COL21A1: variants seen among roughly 807,000 people sequenced by gnomAD.
COL21A1 encodes collagen alpha-1(XXI) chain.
A neutral mutation model predicts 137.9 loss-of-function variants in COL21A1; 149 were observed. The ratio of observed to expected loss-of-function variants is 1.08; its 90% CI spans 0.95 to 1.24. The LOEUF is 1.24. COL21A1 is among the 50% of genes most tolerant of loss of function. The pLI, the probability that COL21A1 is intolerant of heterozygous loss-of-function variation, is 0.00. For synonymous variants in COL21A1, 456 were observed against 391.5 expected (o/e 1.16, Z -1.95); for missense variants, 1,167 against 1,158.4 (o/e 1.01, Z -0.11).
chr6:56,362,899 A>AC (rs1282093481), intron 1 of COL21A1, among the ~76,000 whole-genome samples: 1 of 151,288 alleles, frequency 6.6e-6, no homozygotes, highest in Non-Finnish European at 1.5e-5. Flanking sequence ...AGCAAACCCT[A>AC]CCCCCCACGC....
chr6:56,090,461 C>T (rs546015842), intron 17 of COL21A1, among the ~76,000 whole-genome samples: 1 of 152,254 alleles, frequency 6.6e-6, no homozygotes, highest in South Asian at 2.1e-4. Context: ...AATGAGCCAA[C>T]ATTTGTGTGT....
intron 1 of COL21A1, among the ~76,000 whole-genome samples, chr6:56,305,683 G>T (rs541694024): frequency 6.6e-5 from 10 of 152,216 alleles, no homozygotes; most frequent in Non-Finnish European, 7.4e-5. Context: ...CTTGACTCTT[G>T]ATCCAATTTG....
At chr6:56,156,745 C>T (rs1469589937) in intron 10 of COL21A1, 142 bp downstream of exon 10, 1 of 698,546 alleles carries the variant, frequency 1.4e-6, no homozygotes, top group African/African-American at 1.8e-5. Flanking sequence ...TTCGTTCCAA[C>T]AGAGTTGAGT....
chr6:56,130,202 TATATATATAA>T (rs1270235924), intron 12 of COL21A1, among the ~76,000 whole-genome samples: 8 of 28,006 alleles, frequency 2.9e-4, no homozygotes, highest in Admixed American at 6.4e-4. Flanking sequence ...TATATATATA[TATATATATAA>T]AATTTCAAAT....
chr6:56,095,622 C>T (rs1769243988), intron 17 of COL21A1, among the ~76,000 whole-genome samples: 1 of 152,196 alleles, frequency 6.6e-6, no homozygotes, highest in Admixed American at 6.5e-5. Flanking sequence ...TCATGTACCG[C>T]ATGGCAGCCT....
intron 10 of COL21A1, 102 bp downstream of exon 10, chr6:56,156,785 T>C (rs1775775897): frequency 2.1e-6 from 2 of 938,274 alleles, no homozygotes; most frequent in Admixed American, 2.1e-5. Context: ...GCAGCAGTCA[T>C]GAATAAAGCT....
intron 1 of COL21A1, among the ~76,000 whole-genome samples, chr6:56,273,079 C>A (rs950137156): frequency 3.3e-5 from 5 of 152,180 alleles, no homozygotes; most frequent in Admixed American, 6.5e-5. Flanking sequence ...TCAAGAAGAT[C>A]TTTCAAAACT....
intron 23 of COL21A1, among the ~76,000 whole-genome samples, 198 bp downstream of exon 23, chr6:56,067,097 T>A (rs2114071232): frequency 6.6e-6 from 1 of 151,540 alleles, no homozygotes; most frequent in Middle Eastern, 3.4e-3. Flanking sequence ...GTTTCTAAGT[T>A]TTCTGCAACA....
rs369347753 is a variant in COL21A1, at chr6:56,157,780, C to T, written c.1372-831G>A. On this transcript the variant is annotated intron_variant, in intron 9 of 29. Coordinates refer to ENST00000244728, the MANE Select transcript of COL21A1 (RefSeq NM_030820.4). ...ATCCTGTAAGTGTGTTGCTGTGTTA[C>T]TGTCTATACTTGCAATCTCAGATTA... 1.5e-4 allele frequency among the ~76,000 whole-genome samples: 23 copies of T among 152,316 alleles called. No individual in the cohort carries two copies. The East Asian group carries it at 2.9e-3, about 19-fold the overall frequency.
At chr6:56,361,299 T>C (rs1581774100) in intron 1 of COL21A1, among the ~76,000 whole-genome samples, 1 of 152,284 alleles carries the variant, frequency 6.6e-6, no homozygotes, top group East Asian at 1.9e-4. Flanking sequence ...CTGAGTTTCT[T>C]CCATGTCATG....
intron 16 of COL21A1, among the ~76,000 whole-genome samples, chr6:56,123,075 T>TA (rs1582416056): frequency 6.6e-6 from 1 of 152,360 alleles, no homozygotes; most frequent in East Asian, 1.9e-4. Context: ...CAGGCAAAGA[T>TA]AAAGTCTGTG....
At chr6:56,147,771 G>A (rs2152245058) in intron 10 of COL21A1, among the ~76,000 whole-genome samples, 1 of 152,184 alleles carries the variant, frequency 6.6e-6, no homozygotes, top group East Asian at 1.9e-4. Context: ...GACTTTCACA[G>A]AAGGAGAATG....
At chr6:56,087,426 G>A (rs745826505) in intron 17 of COL21A1, among the ~76,000 whole-genome samples, 11 of 152,148 alleles carry the variant, frequency 7.2e-5, no homozygotes, top group Non-Finnish European at 1.5e-4. Flanking sequence ...CCATTCAGAT[G>A]TCTTCAGTAT....
At chr6:56,097,811 A>C (rs1270997235) in intron 17 of COL21A1, among the ~76,000 whole-genome samples, 18 of 108,226 alleles carry the variant, frequency 1.7e-4, no homozygotes, top group South Asian at 2.7e-4. Context: ...CTATATAAAT[A>C]TATATAAATA....
At chr6:56,383,242 C>G (rs780825238) in intron 1 of COL21A1, among the ~76,000 whole-genome samples, 61 of 152,088 alleles carry the variant, frequency 4.0e-4, no homozygotes, top group Non-Finnish European at 7.4e-4. Flanking sequence ...ACGTGGCAGA[C>G]AGAGAACTAG....
chr6:56,185,958 C>T (rs1010460361), intron 1 of COL21A1, among the ~76,000 whole-genome samples: 26 of 151,570 alleles, frequency 1.7e-4, no homozygotes, highest in Non-Finnish European at 3.1e-4. Context: ...AGTGAACTCC[C>T]CCCAATTTTT....
At chr6:56,099,724 TAAAC>T (rs968039990) in intron 17 of COL21A1, among the ~76,000 whole-genome samples, 7 of 152,068 alleles carry the variant, frequency 4.6e-5, no homozygotes, top group African/African-American at 1.2e-4. Flanking sequence ...AACAATAACA[TAAAC>T]AAATAATCAC....
chr6:56,253,908 T>C (rs1450110357), intron 1 of COL21A1, among the ~76,000 whole-genome samples: 1 of 152,214 alleles, frequency 6.6e-6, no homozygotes, highest in East Asian at 1.9e-4. Flanking sequence ...AACCTGCAAG[T>C]CTTACTTCGG....
At chr6:56,257,530 A>T (rs192522861) in intron 1 of COL21A1, among the ~76,000 whole-genome samples, 1 of 152,280 alleles carries the variant, frequency 6.6e-6, no homozygotes, top group Non-Finnish European at 1.5e-5. Context: ...AAAATGAAGA[A>T]AAAACCCCCA....
Sources: gnomAD v4.1 joint callset for allele counts (sites outside exome capture counted in the v4.1 genomes callset) on GRCh38, gnomAD v4.1.1 for gene constraint, MANE v1.5 for transcripts, NCBI Gene and HGNC (gene_info 2026-07-23, HGNC 2026-07-21) for gene names.